The following RGS6 variants were observed in gnomAD, a reference collection of about 807,000 sequenced individuals.
The protein encoded by RGS6 is regulator of G-protein signaling 6.
A neutral mutation model predicts 78.5 loss-of-function variants in RGS6; 30 were observed. The ratio of observed to expected loss-of-function variants is 0.38; its 90% CI spans 0.29 to 0.52. RGS6 has a LOEUF of 0.52. Ranked by LOEUF, RGS6 falls within the 20% of genes least tolerant of loss-of-function variation. RGS6 has a pLI of 0.85. For synonymous variants in RGS6, 206 were observed against 206.0 expected, an observed-to-expected ratio of 1.00 and a Z score of 0.00; for missense variants, 495 against 609.7, an observed-to-expected ratio of 0.81 and a Z score of 1.98.
intron 7 of RGS6, among the ~76,000 whole-genome samples, chr14:72,467,791 C>G (rs2095960883): frequency 1.3e-5 from 2 of 152,130 alleles, no homozygotes; most frequent in African/African-American, 4.8e-5. Flanking sequence ...ATCCTGGGAG[C>G]CCAGTCATGC....
chr14:72,227,607 T>G (rs1467589378), intron 2 of RGS6, among the ~76,000 whole-genome samples: 3 of 152,220 alleles, frequency 2.0e-5, no homozygotes, highest in Non-Finnish European at 4.4e-5. Flanking sequence ...AAGTTGTAAT[T>G]TGGCCTTCAA....
At chr14:72,371,693 A>G (rs1218916775) in intron 3 of RGS6, among the ~76,000 whole-genome samples, 1 of 152,178 alleles carries the variant, frequency 6.6e-6, no homozygotes, top group East Asian at 1.9e-4. Context: ...CCTGGGAGGC[A>G]GAGGTTGCAG....
chr14:72,147,732 G>A (rs1438669787), intron 2 of RGS6, among the ~76,000 whole-genome samples: 1 of 152,186 alleles, frequency 6.6e-6, no homozygotes, highest in Non-Finnish European at 1.5e-5. Flanking sequence ...ATGAACAAGG[G>A]TAAGGGCACT....
intron 2 of RGS6, among the ~76,000 whole-genome samples, chr14:72,108,541 C>T (rs569707446): frequency 1.4e-4 from 22 of 151,748 alleles, no homozygotes; most frequent in Non-Finnish European, 2.9e-4. Flanking sequence ...CTCCTGTTGT[C>T]CTTATGTTGC....
chr14:72,540,155 TTC>T (rs139220209), intron 17 of RGS6, 61 bp downstream of exon 17: 16 of 1,525,412 alleles, frequency 1.0e-5, no homozygotes, highest in East Asian at 6.9e-5. Context: ...TTCTTTCTTC[TTC>T]TTTTTTTTTT....
chr14:72,422,528 T>C (rs542549024), intron 3 of RGS6, among the ~76,000 whole-genome samples: 7 of 152,136 alleles, frequency 4.6e-5, no homozygotes, highest in Non-Finnish European at 1.0e-4. Context: ...AGTCTCGCTT[T>C]TTTTGTTTTC....
Position 72,459,662 on chromosome 14 carries a change from G to A in RGS6, c.373G>A (p.Glu125Lys). 1 of 1,614,142 alleles carries A rather than the reference G, an allele frequency of 6.2e-7. No homozygotes were observed. The highest frequency in any genetic ancestry group is 8.5e-7 in the Non-Finnish European group (1 of 1,180,030). ...APYFWPSNCWEPENTDYAIYL... is the reference protein window; with the variant it reads ...APYFWPSNCWKPENTDYAIYL... ...GTACTTCTGGCCTTCGAACTGCTGG[G>A]AACCTGAAAACACTGACTATGGTGA... Residue 125 changes from glutamate (E) to lysine (K), a missense_variant, in exon 6 of 18, where the codon GAA (glutamate) becomes AAA (lysine). Glu to Lys is a moderately conservative substitution (Grantham distance 56). Transcript: ENST00000553525.
chr14:72,413,265 A>G (rs1470971197), intron 3 of RGS6, among the ~76,000 whole-genome samples: 1 of 152,240 alleles, frequency 6.6e-6, no homozygotes, highest in Non-Finnish European at 1.5e-5. Context: ...TATTAGGTGC[A>G]TATATATTTA....
At chr14:72,003,717 G>C (rs1232729650) in intron 2 of RGS6, among the ~76,000 whole-genome samples, 1 of 152,060 alleles carries the variant, frequency 6.6e-6, no homozygotes, top group African/African-American at 2.4e-5. Context: ...TAGGGGATGG[G>C]GGAAGGGATG....
At chr14:72,477,122 G>T in intron 11 of RGS6, 1 of 364,060 alleles carries the variant, frequency 2.7e-6, no homozygotes, top group Non-Finnish European at 5.0e-6. Context: ...CCCACAGTCC[G>T]CTGTGGGAGC....
At chr14:71,873,943 G>C in the RGS6 span, among the ~76,000 whole-genome samples, 26 of 152,194 alleles carry the variant, frequency 1.7e-4, no homozygotes, top group African/African-American at 6.3e-4. Context: ...TCAAAGATCA[G>C]ATTGTTGTAG....
intron 17 of RGS6, among the ~76,000 whole-genome samples, chr14:72,548,711 G>GC (rs541704265): frequency 8.5e-4 from 130 of 152,226 alleles, no homozygotes; most frequent in African/African-American, 3.0e-3. Flanking sequence ...AAAATGTCTA[G>GC]CCCCCCAGCA....
At chr14:72,406,004 C>A (rs2092893686) in intron 3 of RGS6, among the ~76,000 whole-genome samples, 1 of 152,174 alleles carries the variant, frequency 6.6e-6, no homozygotes, top group Non-Finnish European at 1.5e-5. Flanking sequence ...GTTAAGGTTA[C>A]TGTAGACAAT....
At chr14:72,445,794 A>G (rs775853528) in intron 3 of RGS6, among the ~76,000 whole-genome samples, 1 of 152,216 alleles carries the variant, frequency 6.6e-6, no homozygotes, top group Non-Finnish European at 1.5e-5. Flanking sequence ...GCTACAGTTT[A>G]GTGGGCATTA....
rs200596066 is a variant in RGS6, at chr14:72,404,209, G to A, written c.185-50319G>A. Among the ~76,000 whole-genome samples the A allele has an allele frequency of 9.2e-5, 14 of 152,256 alleles. No homozygotes were observed. In the East Asian group the frequency reaches 2.5e-3, roughly 27 times the overall value. On this transcript the variant is annotated intron_variant, in intron 3 of 17. Coordinates refer to ENST00000553525, the MANE Select transcript of RGS6 (RefSeq NM_001204424.2). ...AAGATAGGAGGTGTAGGTCAAAGTCGTGGTTATGACTGTTTCAAAGTCAGA... is the reference window on the plus strand; with the variant it reads ...AAGATAGGAGGTGTAGGTCAAAGTCATGGTTATGACTGTTTCAAAGTCAGA...
chr14:72,130,600 C>T (rs994843930), intron 2 of RGS6, among the ~76,000 whole-genome samples: 2 of 152,122 alleles, frequency 1.3e-5, no homozygotes, highest in African/African-American at 2.4e-5. Flanking sequence ...CTCTGTGCCT[C>T]GGGAACTAGG....
intron 2 of RGS6, among the ~76,000 whole-genome samples, chr14:72,113,341 A>G (rs1237990507): frequency 1.3e-5 from 2 of 152,216 alleles, no homozygotes; most frequent in Non-Finnish European, 2.9e-5. Context: ...GATGGAGCAG[A>G]TTCAGACTCA....
intron 2 of RGS6, among the ~76,000 whole-genome samples, chr14:72,306,567 A>G (rs949198847): frequency 2.6e-5 from 4 of 152,228 alleles, no homozygotes; most frequent in Non-Finnish European, 2.9e-5. Flanking sequence ...CAAAATTTCA[A>G]CATTAACTGT....
chr14:72,267,194 G>A (rs572867976), intron 2 of RGS6, among the ~76,000 whole-genome samples: 72 of 152,192 alleles, frequency 4.7e-4, no homozygotes, highest in African/African-American at 1.6e-3. Flanking sequence ...CAAGTGATCC[G>A]CCTGCCTCAG....
Sources: allele counts gnomAD v4.1 joint callset (sites outside exome capture counted in the v4.1 genomes callset), GRCh38; gene constraint gnomAD v4.1.1; transcripts MANE v1.5; gene names NCBI Gene and HGNC (gene_info 2026-07-23, HGNC 2026-07-21).